Variants in TAF4B observed in about 807,000 individuals in gnomAD.
TAF4B encodes the protein TATA-box binding protein associated factor 4b, also known as transcription initiation factor TFIID subunit 4B.
Under a neutral mutation model 86.4 loss-of-function variants are expected in TAF4B, and 38 were observed. The ratio of observed to expected loss-of-function variants is 0.44; its 90% CI spans 0.34 to 0.58. The LOEUF (loss-of-function observed/expected upper bound fraction) is 0.58, where lower values mean the gene tolerates loss of function less well. Ranked by LOEUF, TAF4B falls within the 20% of genes least tolerant of loss-of-function variation. TAF4B has a pLI of 0.02. For missense variants in TAF4B, 988 were observed against 1,027.6 expected, an observed-to-expected ratio of 0.96 and a Z score of 0.53; for synonymous variants, 388 against 391.2, an observed-to-expected ratio of 0.99 and a Z score of 0.10.
At chr18:26,327,248 G>C in intron 12 of TAF4B, 108 bp downstream of exon 12, 1 of 1,392,538 alleles carries the variant, frequency 7.2e-7, no homozygotes, top group South Asian at 1.5e-5. Context: ...GATTTCTCCA[G>C]AGGATTTCCT....
chr18:26,285,210 C>CTTTTTTTTTTTTTTTTTTTTTTTTT lies in TAF4B; in HGVS notation c.973-661_973-660insTTTTTTTTTTTTTTTTTTTTTTTTT, dbSNP rs113394710. Among the ~76,000 whole-genome samples the CTTTTTTTTTTTTTTTTTTTTTTTTT allele has an allele frequency of 6.6e-4, 28 of 42,536 alleles. 2 individuals carry two copies. Among genetic ancestry groups the CTTTTTTTTTTTTTTTTTTTTTTTTT allele is most frequent in the South Asian group, 2.7e-3 (2 of 748 alleles). 27.9% of individuals were successfully genotyped at this position (42,536 alleles called of 152,430 possible). ...CTTTTAAAGACTATTTCTTCCTTTC[C>CTTTTTTTTTTTTTTTTTTTTTTTTT]TTTTTTTTTTTGTTTTTTTTTTTTT... On this transcript the variant is annotated intron_variant, in intron 6 of 14. Coordinates refer to ENST00000269142, the MANE Select transcript of TAF4B (RefSeq NM_005640.3).
intron 1 of TAF4B, among the ~76,000 whole-genome samples, chr18:26,234,398 A>C (rs2055717529): frequency 6.6e-6 from 1 of 152,154 alleles, no homozygotes; most frequent in East Asian, 1.9e-4. Context: ...AGAGGTTGGG[A>C]ACTCCCTTTC....
chr18:26,245,839 T>C (rs1238341585), intron 1 of TAF4B, among the ~76,000 whole-genome samples: 1 of 152,266 alleles, frequency 6.6e-6, no homozygotes, highest in African/African-American at 2.4e-5. Flanking sequence ...AACTGCATTG[T>C]AGTCCACTGT....
In TAF4B at chr18:26,317,689, C is replaced by G. The variant is rs141196888; in HGVS notation, c.2002+2291C>G. ...ATCAGGGTGCCAGCACGGTCAGATT[C>G]TTGGTGAAGGCCTTCTTTCTGGTAT... On this transcript the variant is annotated intron_variant, in intron 10 of 14. Coordinates refer to ENST00000269142, the MANE Select transcript of TAF4B (RefSeq NM_005640.3). Among the ~76,000 whole-genome samples, 767 of 152,306 alleles carry G rather than the reference C, an allele frequency of 5.0e-3. 4 individuals are homozygous for G. Among genetic ancestry groups the G allele is most frequent in the Non-Finnish European group, 8.6e-3 (582 of 68,034 alleles).
intron 9 of TAF4B, among the ~76,000 whole-genome samples, chr18:26,299,476 T>G (rs1386922116): frequency 6.6e-6 from 1 of 152,172 alleles, no homozygotes; most frequent in East Asian, 1.9e-4. Context: ...CGATTTGGTC[T>G]ATAGTTTTTT....
intron 1 of TAF4B, among the ~76,000 whole-genome samples, chr18:26,231,050 T>TC: frequency 7.0e-6 from 1 of 143,782 alleles, no homozygotes; most frequent in African/African-American, 2.6e-5. Context: ...TTTTTTTTTT[T>TC]TTTTTTTTTG....
chr18:26,342,373 G>A (rs944945917), intron 13 of TAF4B, among the ~76,000 whole-genome samples: 2 of 152,038 alleles, frequency 1.3e-5, no homozygotes, highest in Non-Finnish European at 2.9e-5. Context: ...TGTTAAATGT[G>A]CCCCTGTTCC....
In TAF4B at chr18:26,276,015, C is replaced by CAA. The variant is rs374826135; in HGVS notation, c.882+978_882+979dup. Among the ~76,000 whole-genome samples the CAA allele has an allele frequency of 8.3e-3, 626 of 75,836 alleles. 7 individuals are homozygous for CAA. Among genetic ancestry groups the CAA allele is most frequent in the African/African-American group, 0.024 (509 of 20,866 alleles). 49.8% of individuals were successfully genotyped at this position (75,836 alleles called of 152,430 possible). On this transcript the variant is annotated intron_variant, in intron 5 of 14. Coordinates refer to ENST00000269142, the MANE Select transcript of TAF4B (RefSeq NM_005640.3). ...CGGGCAACAGAGCAAGACTCTGTCTCAAAAAAAAAAAAAAAAAGAAAAGAA... is the reference window on the plus strand; with the variant it reads ...CGGGCAACAGAGCAAGACTCTGTCTCAAAAAAAAAAAAAAAAAAAGAAAAGAA...
chr18:26,342,103 T>A (rs1000206313), intron 13 of TAF4B, among the ~76,000 whole-genome samples: 4 of 152,184 alleles, frequency 2.6e-5, no homozygotes, highest in Non-Finnish European at 5.9e-5. Context: ...TGTTAGGGTT[T>A]TGTTTTTACC....
chr18:26,281,523 ATGT>A (rs1294112608), intron 5 of TAF4B, among the ~76,000 whole-genome samples: 1 of 152,190 alleles, frequency 6.6e-6, no homozygotes. Context: ...AATTCTGGAA[ATGT>A]TGTCCCTGGC....
intron 1 of TAF4B, among the ~76,000 whole-genome samples, chr18:26,247,821 G>C (rs969692392): frequency 1.3e-4 from 20 of 152,010 alleles, no homozygotes; most frequent in Admixed American, 3.9e-4. Flanking sequence ...GTATGCAGTG[G>C]GCCAAGATCG....
chr18:26,285,489 A>G (rs1186855540), intron 6 of TAF4B, among the ~76,000 whole-genome samples: 1 of 151,754 alleles, frequency 6.6e-6, no homozygotes, highest in East Asian at 1.9e-4. Flanking sequence ...ACCTATTTCT[A>G]TCCAAAGTTT....
chr18:26,368,711 A>AT (rs920939909), intron 14 of TAF4B, among the ~76,000 whole-genome samples: 184 of 146,660 alleles, frequency 1.3e-3, no homozygotes, highest in Admixed American at 3.6e-3. Context: ...ATATTTTAAG[A>AT]TTTTTTTTTT....
chr18:26,287,753 T>A (rs1276786945), intron 7 of TAF4B, among the ~76,000 whole-genome samples: 3 of 152,196 alleles, frequency 2.0e-5, no homozygotes, highest in African/African-American at 7.2e-5. Context: ...TTTCCAGCCC[T>A]GTTTGTTTTA....
chr18:26,350,851 A>G (rs748782172), intron 13 of TAF4B, among the ~76,000 whole-genome samples: 1 of 152,216 alleles, frequency 6.6e-6, no homozygotes, highest in Non-Finnish European at 1.5e-5. Context: ...GAAGATGGCT[A>G]TTACCAAAAA....
intron 14 of TAF4B, among the ~76,000 whole-genome samples, chr18:26,377,510 A>G (rs935088090): frequency 2.0e-5 from 3 of 152,200 alleles, no homozygotes; most frequent in Admixed American, 6.5e-5. Context: ...TTACATGGTT[A>G]TGTTGTGTTT....
intron 5 of TAF4B, among the ~76,000 whole-genome samples, chr18:26,277,344 G>A (rs1308841400): frequency 6.6e-6 from 1 of 152,032 alleles, no homozygotes; most frequent in Non-Finnish European, 1.5e-5. Context: ...CCTTGGCCTG[G>A]CGAAGTGCTA....
chr18:26,292,565 A>T (rs1312220747), intron 8 of TAF4B, among the ~76,000 whole-genome samples, 184 bp downstream of exon 8: 3 of 152,214 alleles, frequency 2.0e-5, no homozygotes, highest in Admixed American at 6.5e-5. Context: ...TCTGATGCCC[A>T]GGCTGGAGTA....
intron 13 of TAF4B, among the ~76,000 whole-genome samples, chr18:26,353,066 C>G (rs2057257780): frequency 6.6e-6 from 1 of 152,118 alleles, no homozygotes; most frequent in Non-Finnish European, 1.5e-5. Context: ...ACTTCCAGTT[C>G]ATTTTATGAG....
Sources: allele counts gnomAD v4.1 joint callset (sites outside exome capture counted in the v4.1 genomes callset), GRCh38; gene constraint gnomAD v4.1.1; transcripts MANE v1.5; gene names NCBI Gene and HGNC (gene_info 2026-07-23, HGNC 2026-07-21).